Variants in SUPT3H observed in about 807,000 individuals in gnomAD.
The protein encoded by SUPT3H is transcription initiation protein SPT3 homolog.
SUPT3H carries 44 observed loss-of-function variants against 44.3 expected under a neutral mutation model. The observed-to-expected ratio is 0.99, with a 90% CI of 0.78 to 1.28. SUPT3H has a LOEUF of 1.28. Ranked by LOEUF, SUPT3H falls within the 50% of genes most tolerant of loss-of-function variation. The pLI is 0.00. For missense variants in SUPT3H, 380 were observed against 387.1 expected (o/e 0.98, Z 0.15); for synonymous variants, 124 against 125.6 (o/e 0.99, Z 0.09).
At chr6:45,134,100 T>C (rs1803899252) in intron 2 of SUPT3H, among the ~76,000 whole-genome samples, 1 of 152,188 alleles carries the variant, frequency 6.6e-6, no homozygotes, top group African/African-American at 2.4e-5. Flanking sequence ...TTATTTCTTA[T>C]GGTTTTGGAG....
intron 2 of SUPT3H, among the ~76,000 whole-genome samples, chr6:45,323,855 C>T (rs1354280428): frequency 1.3e-5 from 2 of 152,006 alleles, no homozygotes; most frequent in Non-Finnish European, 2.9e-5. Flanking sequence ...ACTATAATGT[C>T]CTACAGTTTC....
chr6:45,042,698 A>C (rs923925791), intron 3 of SUPT3H, among the ~76,000 whole-genome samples: 1 of 152,142 alleles, frequency 6.6e-6, no homozygotes, highest in Non-Finnish European at 1.5e-5. Flanking sequence ...GCGATTCCTC[A>C]GGGATCTAGA....
intron 10 of SUPT3H, among the ~76,000 whole-genome samples, chr6:44,845,190 T>C (rs1255443852): frequency 6.6e-6 from 1 of 152,170 alleles, no homozygotes; most frequent in Non-Finnish European, 1.5e-5. Flanking sequence ...TTGGCAAACA[T>C]TTATTGAATG....
In SUPT3H at chr6:44,844,903, ACT is replaced by A. The variant is rs372335292; in HGVS notation, c.913-15048_913-15047del. Among the ~76,000 whole-genome samples the A allele has an allele frequency of 4.8e-3, 725 of 152,302 alleles. 4 individuals carry two copies. The highest frequency in any genetic ancestry group is 0.017 in the African/African-American group (692 of 41,550). The stretch of plus-strand genomic sequence containing the variant: ...TGAATTTTATTGTATGCAAATTATA[ACT>A]CAGTAAAATAAAACAACAAAACCCC... On this transcript the variant is annotated intron_variant, in intron 10 of 10. Coordinates refer to ENST00000371459, the MANE Select transcript of SUPT3H (RefSeq NM_003599.4).
chr6:44,849,716 C>T (rs996705987), intron 10 of SUPT3H, among the ~76,000 whole-genome samples: 1 of 152,086 alleles, frequency 6.6e-6, no homozygotes, highest in Non-Finnish European at 1.5e-5. Context: ...CAGGAAATAA[C>T]TAAATATGTG....
intron 2 of SUPT3H, among the ~76,000 whole-genome samples, chr6:45,257,306 A>T (rs1393177247): frequency 6.6e-6 from 1 of 152,182 alleles, no homozygotes; most frequent in Non-Finnish European, 1.5e-5. Flanking sequence ...CAAACCTACT[A>T]AGGGAAATGC....
chr6:45,370,547 TAATC>T (rs1414188817), intron 1 of SUPT3H, among the ~76,000 whole-genome samples: 3 of 152,112 alleles, frequency 2.0e-5, no homozygotes, highest in Non-Finnish European at 2.9e-5. Flanking sequence ...TAAGGATAAT[TAATC>T]AATATAATAG....
At chr6:45,360,810 C>A (rs1305932307) in intron 2 of SUPT3H, among the ~76,000 whole-genome samples, 1 of 152,176 alleles carries the variant, frequency 6.6e-6, no homozygotes, top group Middle Eastern at 3.2e-3. Context: ...GGCAGAACTA[C>A]AGACCTAAAC....
At chr6:45,180,216 G>C (rs1181051976) in intron 2 of SUPT3H, among the ~76,000 whole-genome samples, 1 of 139,696 alleles carries the variant, frequency 7.2e-6, no homozygotes, top group South Asian at 2.5e-4. Flanking sequence ...GGAAATAAAA[G>C]AGGATACAAA....
At chr6:44,813,587 AAAC>A (rs1581797509) in intron 11 of SUPT3H, among the ~76,000 whole-genome samples, 2 of 151,702 alleles carry the variant, frequency 1.3e-5, no homozygotes. Context: ...AAAAAAAAAA[AAAC>A]AGACAACAGA....
In SUPT3H at chr6:45,049,207, A is replaced by C. The variant is rs1467088887; in HGVS notation, c.187-28575T>G. Among the ~76,000 whole-genome samples the C allele has an allele frequency of 2.6e-5, 4 of 152,316 alleles. 1 individual carries two copies. The East Asian group carries it at 7.7e-4, about 29-fold the overall frequency. ...AAATCAGCTTAGAAAGAAAATGAGA[A>C]GAAAAGAAGGATGCCAAGAGTTCAG... On this transcript the variant is annotated intron_variant, in intron 3 of 10. Transcript: ENST00000371459.
At chr6:44,969,622 C>T (rs765222091) in intron 6 of SUPT3H, among the ~76,000 whole-genome samples, 3 of 152,096 alleles carry the variant, frequency 2.0e-5, no homozygotes, top group Admixed American at 2.0e-4. Context: ...AACAAAAACA[C>T]ACATACGCAC....
At chr6:44,883,303 G>C (rs1778561234) in intron 10 of SUPT3H, among the ~76,000 whole-genome samples, 1 of 152,012 alleles carries the variant, frequency 6.6e-6, no homozygotes, top group African/African-American at 2.4e-5. Context: ...AAATACCTAG[G>C]AATACAACTT....
intron 1 of SUPT3H, among the ~76,000 whole-genome samples, chr6:45,373,332 A>AAG (rs1796347276): frequency 6.6e-6 from 1 of 152,194 alleles, no homozygotes; most frequent in Admixed American, 6.5e-5. Flanking sequence ...CAGTACAAAA[A>AAG]AGCCTCACAG....
chr6:44,953,160 T>C, intron 9 of SUPT3H, 150 bp downstream of exon 9: 1 of 612,924 alleles, frequency 1.6e-6, no homozygotes, highest in Admixed American at 2.8e-5. Flanking sequence ...GGTGCTCAAT[T>C]AAATACTTAT....
chr6:45,015,308 T>C (rs1784079668), intron 4 of SUPT3H, among the ~76,000 whole-genome samples: 1 of 152,034 alleles, frequency 6.6e-6, no homozygotes, highest in Admixed American at 6.6e-5. Context: ...GGTAAGAAAA[T>C]GGTAAGTATT....
intron 10 of SUPT3H, among the ~76,000 whole-genome samples, chr6:44,832,536 A>C (rs1210709964): frequency 6.6e-6 from 1 of 152,116 alleles, no homozygotes; most frequent in Non-Finnish European, 1.5e-5. Flanking sequence ...CTTAAGGTTC[A>C]TTTCTGGTTT....
At chr6:44,993,034 G>A (rs967327229) in intron 6 of SUPT3H, among the ~76,000 whole-genome samples, 1 of 152,014 alleles carries the variant, frequency 6.6e-6, no homozygotes, top group Non-Finnish European at 1.5e-5. Context: ...GTGGTGGCAC[G>A]TTCCTGTAGT....
chr6:45,245,897 C>T (rs1771252586), intron 2 of SUPT3H, among the ~76,000 whole-genome samples: 1 of 152,070 alleles, frequency 6.6e-6, no homozygotes, highest in Admixed American at 6.5e-5. Context: ...AAATTCCTAC[C>T]AGCCATGCAG....
Sources: gnomAD v4.1 joint callset for allele counts (sites outside exome capture counted in the v4.1 genomes callset) on GRCh38, gnomAD v4.1.1 for gene constraint, MANE v1.5 for transcripts, NCBI Gene and HGNC (gene_info 2026-07-23, HGNC 2026-07-21) for gene names.